Variants in NCKAP5 observed in about 807,000 individuals in gnomAD.
NCKAP5 encodes the protein nck-associated protein 5.
A neutral mutation model predicts 167.0 loss-of-function variants in NCKAP5; 92 were observed. The ratio of observed to expected loss-of-function variants is 0.55; its 90% CI spans 0.47 to 0.66. The LOEUF is 0.66. Ranked by LOEUF, NCKAP5 falls within the 30% of genes least tolerant of loss-of-function variation. The probability of loss-of-function intolerance (pLI) is 0.00; values close to 1 mark genes in which losing one functional copy is unlikely to be tolerated. For missense variants in NCKAP5, 2,378 were observed against 2,315.0 expected (o/e 1.03, Z -0.56); for synonymous variants, 891 against 877.4 (o/e 1.02, Z -0.27).
At chr2:132,678,231 C>G (rs1684754473) in intron 19 of NCKAP5, among the ~76,000 whole-genome samples, 1 of 152,112 alleles carries the variant, frequency 6.6e-6, no homozygotes, top group South Asian at 2.1e-4. Flanking sequence ...GCCAGAAACT[C>G]CTGTTCATGG....
chr2:132,950,248 T>TA (rs1490603880), intron 8 of NCKAP5, among the ~76,000 whole-genome samples: 7 of 152,374 alleles, frequency 4.6e-5, no homozygotes, highest in African/African-American at 1.7e-4. Context: ...GATGATCAGA[T>TA]AAATGTCTTT....
chr2:133,379,678 A>C (rs555311726), intron 3 of NCKAP5, among the ~76,000 whole-genome samples: 1 of 152,310 alleles, frequency 6.6e-6, no homozygotes, highest in South Asian at 2.1e-4. Flanking sequence ...TGCCTGACAC[A>C]TAGTAGGTTT....
chr2:133,313,272 A>G (rs571868477), intron 3 of NCKAP5, among the ~76,000 whole-genome samples: 5 of 152,234 alleles, frequency 3.3e-5, no homozygotes, highest in East Asian at 1.9e-4. Context: ...AATTCTACCA[A>G]TTGGGCATCT....
At chr2:133,132,303 ATGTAAAGTTT>A (rs1309680455) in intron 5 of NCKAP5, among the ~76,000 whole-genome samples, 67 of 149,426 alleles carry the variant, frequency 4.5e-4, no homozygotes, top group African/African-American at 1.6e-3. Flanking sequence ...AAAAAAAAGA[ATGTAAAGTTT>A]TGCAGAGAAA....
At chr2:132,858,506 T>C (rs1002147658) in intron 11 of NCKAP5, among the ~76,000 whole-genome samples, 1 of 152,154 alleles carries the variant, frequency 6.6e-6, no homozygotes, top group African/African-American at 2.4e-5. Context: ...TAAAGTACTA[T>C]CAGAAAATGA....
intron 6 of NCKAP5, among the ~76,000 whole-genome samples, chr2:133,106,443 G>A (rs564168447): frequency 2.6e-5 from 4 of 152,278 alleles, no homozygotes; most frequent in Non-Finnish European, 5.9e-5. Context: ...AGGACCAGAA[G>A]CACCTGCTCA....
chr2:132,962,175 G>A (rs1028514704), intron 8 of NCKAP5, among the ~76,000 whole-genome samples: 3 of 152,120 alleles, frequency 2.0e-5, no homozygotes, highest in African/African-American at 7.2e-5. Context: ...TCCTTATATT[G>A]TTAATCACTG....
intron 8 of NCKAP5, among the ~76,000 whole-genome samples, chr2:132,901,278 C>G (rs1399673660): frequency 1.3e-5 from 2 of 152,192 alleles, no homozygotes; most frequent in Non-Finnish European, 2.9e-5. Flanking sequence ...GAACTCACAT[C>G]TGCTGAGTTC....
chr2:133,240,197 A>G (rs2150293724), intron 4 of NCKAP5, among the ~76,000 whole-genome samples: 1 of 152,348 alleles, frequency 6.6e-6, no homozygotes, highest in East Asian at 1.9e-4. Flanking sequence ...ATTAATGTGA[A>G]GGTGTATTTT....
rs577133164 is a variant in NCKAP5 at position 133,032,897 on chromosome 2, G to A, written c.342-38658C>T. Among the ~76,000 whole-genome samples the A allele has an allele frequency of 1.1e-4, 17 of 152,254 alleles. No homozygotes were observed. In the South Asian group the frequency reaches 3.1e-3, roughly 28 times the overall value. On this transcript the variant is annotated intron_variant, in intron 6 of 19. Coordinates refer to ENST00000409261, the MANE Select transcript of NCKAP5 (RefSeq NM_207363.3). ...AGTGGGGAGAGACAGAGCAAGCGAA[G>A]GGGGAAGTGCTACACGTTTTTAAAC...
At chr2:133,300,684 CA>C (rs1318782890) in intron 4 of NCKAP5, among the ~76,000 whole-genome samples, 1 of 116,520 alleles carries the variant, frequency 8.6e-6, no homozygotes, top group African/African-American at 3.7e-5. Context: ...ACTGAATGGG[CA>C]AAAACTGGAA....
chr2:133,209,344 G>A (rs1266648569), intron 5 of NCKAP5, among the ~76,000 whole-genome samples: 1 of 148,632 alleles, frequency 6.7e-6, no homozygotes, highest in African/African-American at 2.5e-5. Context: ...TCCTGGAAGA[G>A]GAAATTAAGA....
intron 1 of NCKAP5, among the ~76,000 whole-genome samples, chr2:133,562,181 T>C (rs1688205066): frequency 6.6e-6 from 1 of 150,762 alleles, no homozygotes; most frequent in Admixed American, 6.6e-5. Context: ...GTAGAGAGGG[T>C]GGCCCAAGAG....
chr2:132,735,128 A>C, intron 16 of NCKAP5, among the ~76,000 whole-genome samples: 1 of 152,230 alleles, frequency 6.6e-6, no homozygotes, highest in East Asian at 1.9e-4. Flanking sequence ...AATGCCTAGC[A>C]ACTCTTCCTT....
rs117337396 is a variant in NCKAP5 at position 133,058,628 on chromosome 2, C to T, written c.342-64389G>A. ...TGATAAAACATAAACAGATAAGTTACTTCTTATGGATGAAAAAAGAAAGTA... is the reference window on the plus strand; with the variant it reads ...TGATAAAACATAAACAGATAAGTTATTTCTTATGGATGAAAAAAGAAAGTA... On this transcript the variant is annotated intron_variant, in intron 6 of 19. Coordinates refer to ENST00000409261, the MANE Select transcript of NCKAP5 (RefSeq NM_207363.3). Among the ~76,000 whole-genome samples, 129 of 152,246 alleles carry T rather than the reference C, an allele frequency of 8.5e-4. 2 individuals are homozygous for T. The East Asian group carries it at 0.021, about 25-fold the overall frequency.
chr2:132,895,615 A>C (rs1378724957), intron 8 of NCKAP5, among the ~76,000 whole-genome samples: 1 of 152,010 alleles, frequency 6.6e-6, no homozygotes, highest in East Asian at 1.9e-4. Context: ...TGATGATGAC[A>C]ATGACAGTCA....
chr2:133,655,555 A>C, the NCKAP5 span, among the ~76,000 whole-genome samples: 1 of 152,148 alleles, frequency 6.6e-6, no homozygotes, highest in African/African-American at 2.4e-5. Context: ...AGCTGGCTTT[A>C]ATGGGGCATC....
At chr2:132,692,919 C>T (rs79046709) in intron 19 of NCKAP5, among the ~76,000 whole-genome samples, 1,609 of 152,258 alleles carry the variant, frequency 0.011, 21 homozygotes, top group African/African-American at 0.037. Context: ...CTGATGTGGT[C>T]AGGGAACCAT....
chr2:133,023,718 C>A (rs2149399265), intron 6 of NCKAP5, among the ~76,000 whole-genome samples: 1 of 152,236 alleles, frequency 6.6e-6, no homozygotes, highest in South Asian at 2.1e-4. Flanking sequence ...TCTGTTCCTG[C>A]CTTAATTTGC....
Sources: gnomAD v4.1 joint callset for allele counts (sites outside exome capture counted in the v4.1 genomes callset) on GRCh38, gnomAD v4.1.1 for gene constraint, MANE v1.5 for transcripts, NCBI Gene and HGNC (gene_info 2026-07-23, HGNC 2026-07-21) for gene names.